OXR1: variants seen among roughly 807,000 people sequenced by gnomAD.
OXR1 encodes the protein oxidation resistance protein 1.
In OXR1, 41 loss-of-function variants were observed where a neutral mutation model predicts 104.6. The ratio of observed to expected loss-of-function variants is 0.39; its 90% CI spans 0.31 to 0.51. The LOEUF (loss-of-function observed/expected upper bound fraction) is 0.51. Ranked by LOEUF, OXR1 falls within the 20% of genes least tolerant of loss-of-function variation. The pLI is 0.77. For missense variants in OXR1, 955 were observed against 1,031.9 expected, an observed-to-expected ratio of 0.93 and a Z score of 1.02; for synonymous variants, 348 against 348.4, an observed-to-expected ratio of 1.00 and a Z score of 0.01.
chr8:106,696,728 T>A (rs949950469), intron 7 of OXR1, among the ~76,000 whole-genome samples: 1 of 152,222 alleles, frequency 6.6e-6, no homozygotes, highest in Non-Finnish European at 1.5e-5. Flanking sequence ...AAGCGTCTTT[T>A]TTTTTTCCTA....
At chr8:106,610,436 A>C (rs895089228) in intron 3 of OXR1, among the ~76,000 whole-genome samples, 1 of 152,228 alleles carries the variant, frequency 6.6e-6, no homozygotes, top group Non-Finnish European at 1.5e-5. Flanking sequence ...TAAAAGCTGA[A>C]GTATCTCTCT....
intron 3 of OXR1, among the ~76,000 whole-genome samples, chr8:106,659,018 T>A (rs1293562611): frequency 6.6e-6 from 1 of 152,224 alleles, no homozygotes; most frequent in Non-Finnish European, 1.5e-5. Context: ...ATTTGAGGGT[T>A]ATGAAAATAA....
At chr8:106,305,291 A>C (rs1813423084) in intron 1 of OXR1, among the ~76,000 whole-genome samples, 1 of 152,146 alleles carries the variant, frequency 6.6e-6, no homozygotes, top group African/African-American at 2.4e-5. Context: ...TTTTATAAAG[A>C]GATAATAAAA....
At chr8:106,501,681 CT>C (rs1361496180) in intron 2 of OXR1, among the ~76,000 whole-genome samples, 17 of 152,130 alleles carry the variant, frequency 1.1e-4, no homozygotes, top group African/African-American at 4.1e-4. Flanking sequence ...GAACAAAATC[CT>C]TTCCATGTAA....
intron 3 of OXR1, among the ~76,000 whole-genome samples, chr8:106,599,481 T>G (rs1024017636): frequency 6.6e-6 from 1 of 152,352 alleles, no homozygotes; most frequent in South Asian, 2.1e-4. Flanking sequence ...AAGGAGATTC[T>G]TTAATTTTCT....
At chr8:106,592,110 A>G (rs1819143408) in intron 3 of OXR1, among the ~76,000 whole-genome samples, 1 of 152,234 alleles carries the variant, frequency 6.6e-6, no homozygotes, top group South Asian at 2.1e-4. Flanking sequence ...GATTTAGATT[A>G]TGGAAAAGTC....
In OXR1 at chr8:106,669,548, TC is replaced by T. The variant is rs201539314; in HGVS notation, c.221-9661del. Among the ~76,000 whole-genome samples the T allele has an allele frequency of 3.4e-4, 52 of 152,208 alleles. No homozygotes were observed. In the East Asian group the frequency reaches 9.7e-3, roughly 28 times the overall value. On this transcript the variant is annotated intron_variant, in intron 3 of 16. Coordinates refer to ENST00000517566, the MANE Select transcript of OXR1 (RefSeq NM_001198533.2). The stretch of plus-strand genomic sequence containing the variant: ...GAGAGAATTATTAGAAAAGCTACAA[TC>T]AGCAATCTGTTTTTTTTTTAGTTTA...
rs756413895 is a variant in OXR1, at chr8:106,706,616, G to T, written c.1095G>T (p.Ala365=). 3 of 1,612,980 alleles carry T rather than the reference G, an allele frequency of 1.9e-6. No individual in the cohort carries two copies. Among genetic ancestry groups the T allele is most frequent in the Non-Finnish European group, 2.5e-6 (3 of 1,179,644 alleles). The change falls in exon 9 of 17, where the codon GCG becomes GCT. Residue 365 remains alanine (A), a synonymous_variant. Coordinates refer to ENST00000517566, the MANE Select transcript of OXR1 (RefSeq NM_001198533.2). ...DELRQDKSSG[A]SSESVQTVNQ... is the part of the protein sequence containing the mutation. ...TGCGACAAGATAAATCTTCTGGTGC[G>T]TCATCAGAATCTGTGCAAACTGTCA...
At chr8:106,403,709 C>G (rs1420221495) in intron 2 of OXR1, among the ~76,000 whole-genome samples, 1 of 152,202 alleles carries the variant, frequency 6.6e-6, no homozygotes, top group Non-Finnish European at 1.5e-5. Flanking sequence ...CATGTTTCAG[C>G]CATCCAAATA....
At chr8:106,292,537 T>C (rs987897148) in intron 1 of OXR1, among the ~76,000 whole-genome samples, 1 of 152,174 alleles carries the variant, frequency 6.6e-6, no homozygotes, top group Non-Finnish European at 1.5e-5. Context: ...GGCAATTGGG[T>C]TTGGTACTAT....
intron 3 of OXR1, among the ~76,000 whole-genome samples, chr8:106,549,668 G>A (rs1287252173): frequency 6.6e-6 from 1 of 152,196 alleles, no homozygotes; most frequent in Admixed American, 6.5e-5. Flanking sequence ...CAGATTTGAT[G>A]TCTGGTGAGG....
intron 3 of OXR1, among the ~76,000 whole-genome samples, chr8:106,662,934 C>G (rs1466714730): frequency 6.6e-6 from 1 of 151,882 alleles, no homozygotes; most frequent in African/African-American, 2.4e-5. Flanking sequence ...ATCAGAAAGT[C>G]CAAAATCTGA....
At chr8:106,621,614 G>C (rs1252911480) in intron 3 of OXR1, among the ~76,000 whole-genome samples, 1 of 151,736 alleles carries the variant, frequency 6.6e-6, no homozygotes, top group African/African-American at 2.4e-5. Flanking sequence ...CATTGCAATA[G>C]TAACTATAAA....
chr8:106,678,377 T>C (rs921610596), intron 3 of OXR1, among the ~76,000 whole-genome samples: 3 of 152,058 alleles, frequency 2.0e-5, no homozygotes, highest in African/African-American at 7.2e-5. Context: ...TTTTTAATTT[T>C]GGTAAATTTT....
At chr8:106,597,437 A>G (rs144750285) in intron 3 of OXR1, among the ~76,000 whole-genome samples, 1 of 152,224 alleles carries the variant, frequency 6.6e-6, no homozygotes, top group South Asian at 2.1e-4. Flanking sequence ...TGTAAGCCAC[A>G]ATCATTTTAT....
intron 1 of OXR1, among the ~76,000 whole-genome samples, chr8:106,297,959 AC>A (rs1254305916): frequency 6.6e-6 from 1 of 152,238 alleles, no homozygotes; most frequent in Admixed American, 6.5e-5. Flanking sequence ...CCTGGCAGAT[AC>A]ATAAACTTTA....
At chr8:106,281,469 A>C (rs1301274512) in intron 1 of OXR1, among the ~76,000 whole-genome samples, 1 of 152,206 alleles carries the variant, frequency 6.6e-6, no homozygotes, top group Non-Finnish European at 1.5e-5. Context: ...TGAAAGTTTC[A>C]TGAAAACGTT....
At chr8:106,714,104 G>T (rs1373290197) in intron 11 of OXR1, 119 bp downstream of exon 11, 3 of 678,334 alleles carry the variant, frequency 4.4e-6, no homozygotes, top group Non-Finnish European at 7.3e-6. Flanking sequence ...TAAAGGTCAG[G>T]TTCACTATCC....
At chr8:106,508,397 G>A (rs1812306643) in intron 2 of OXR1, among the ~76,000 whole-genome samples, 1 of 151,902 alleles carries the variant, frequency 6.6e-6, no homozygotes, top group Non-Finnish European at 1.5e-5. Flanking sequence ...GGTTGTATTG[G>A]GAGCACTACA....
Sources: gnomAD v4.1 joint callset for allele counts (sites outside exome capture counted in the v4.1 genomes callset) on GRCh38, gnomAD v4.1.1 for gene constraint, MANE v1.5 for transcripts, NCBI Gene and HGNC (gene_info 2026-07-23, HGNC 2026-07-21) for gene names.